MTUS2: variants seen among roughly 807,000 people sequenced by gnomAD.
The protein encoded by MTUS2 is microtubule-associated tumor suppressor candidate 2.
In MTUS2, 40 loss-of-function variants were observed where a neutral mutation model predicts 114.1. The ratio of observed to expected loss-of-function variants is 0.35; its 90% confidence interval spans 0.27 to 0.46. The LOEUF is 0.46. MTUS2 is among the 20% of genes least tolerant of loss of function. The probability of loss-of-function intolerance (pLI) is 1.00; values close to 1 mark genes in which losing one functional copy is unlikely to be tolerated. For synonymous variants in MTUS2, 688 were observed against 672.0 expected (o/e 1.02, Z -0.37); for missense variants, 1,679 against 1,705.4 (o/e 0.98, Z 0.27).
intron 2 of MTUS2, among the ~76,000 whole-genome samples, chr13:28,962,931 T>C (rs990894968): frequency 6.6e-6 from 1 of 152,206 alleles, no homozygotes; most frequent in Non-Finnish European, 1.5e-5. Context: ...GGGTCCTCTA[T>C]CCTGCACCAT....
chr13:29,184,079 C>T (rs779723283), intron 5 of MTUS2, among the ~76,000 whole-genome samples: 1 of 152,186 alleles, frequency 6.6e-6, no homozygotes, highest in Non-Finnish European at 1.5e-5. Context: ...AAGTAAGTTG[C>T]AGGCTTTACC....
intron 5 of MTUS2, among the ~76,000 whole-genome samples, chr13:29,216,250 G>T (rs1055300792): frequency 6.6e-6 from 1 of 152,214 alleles, no homozygotes; most frequent in Non-Finnish European, 1.5e-5. Flanking sequence ...AGTGTCCCAG[G>T]TCGATTCAGA....
chr13:28,965,240 G>C (rs1883524637), intron 2 of MTUS2, among the ~76,000 whole-genome samples: 2 of 152,190 alleles, frequency 1.3e-5, no homozygotes, highest in South Asian at 2.1e-4. Flanking sequence ...AGAAGTGGTA[G>C]CAGGTGCCCC....
chr13:29,044,626 A>T (rs996039742), intron 4 of MTUS2, among the ~76,000 whole-genome samples: 1 of 151,938 alleles, frequency 6.6e-6, no homozygotes, highest in Non-Finnish European at 1.5e-5. Context: ...CATTTCTTTG[A>T]GTATTTCTTC....
intron 2 of MTUS2, among the ~76,000 whole-genome samples, chr13:28,864,693 C>A (rs951293219): frequency 2.6e-5 from 4 of 152,174 alleles, no homozygotes; most frequent in Admixed American, 6.5e-5. Flanking sequence ...CACTCAGATT[C>A]TTCACACCTA....
chr13:29,264,365 C>G (rs921154033), intron 5 of MTUS2, among the ~76,000 whole-genome samples: 1 of 152,222 alleles, frequency 6.6e-6, no homozygotes, highest in African/African-American at 2.4e-5. Context: ...CTTTTCCTTG[C>G]TGAGAGGTGC....
At chr13:29,281,157 G>A (rs1043863213) in intron 5 of MTUS2, among the ~76,000 whole-genome samples, 17 of 152,070 alleles carry the variant, frequency 1.1e-4, no homozygotes, top group African/African-American at 4.1e-4. Context: ...TCGTCCCCAT[G>A]CTCTCTACCC....
intron 2 of MTUS2, among the ~76,000 whole-genome samples, chr13:28,855,334 A>G (rs1472993709): frequency 6.6e-6 from 1 of 152,106 alleles, no homozygotes; most frequent in Non-Finnish European, 1.5e-5. Context: ...AAACGTGTGC[A>G]ATGGTGGTTT....
intron 5 of MTUS2, among the ~76,000 whole-genome samples, chr13:29,131,648 A>G (rs1593510386): frequency 6.6e-6 from 1 of 152,246 alleles, no homozygotes; most frequent in Admixed American, 6.5e-5. Context: ...AGCTACAGGG[A>G]TTAATGCTGT....
At chr13:29,180,656 C>G (rs1423905190) in intron 5 of MTUS2, among the ~76,000 whole-genome samples, 1 of 152,092 alleles carries the variant, frequency 6.6e-6, no homozygotes, top group Non-Finnish European at 1.5e-5. Flanking sequence ...TTGTTTTGCT[C>G]CAGGTCACAG....
At chr13:29,396,762 G>A (rs1873944243) in intron 8 of MTUS2, among the ~76,000 whole-genome samples, 1 of 152,180 alleles carries the variant, frequency 6.6e-6, no homozygotes, top group Non-Finnish European at 1.5e-5. Context: ...TCCTTGTTCA[G>A]CCCACTGTGA....
intron 2 of MTUS2, among the ~76,000 whole-genome samples, chr13:29,017,703 G>GAAAA (rs11369162): frequency 6.9e-6 from 1 of 145,132 alleles, no homozygotes. Flanking sequence ...TTGAAAGATT[G>GAAAA]AAAAAAAAAA....
At chr13:29,473,513 A>G (rs973353477) in intron 9 of MTUS2, among the ~76,000 whole-genome samples, 2 of 152,258 alleles carry the variant, frequency 1.3e-5, no homozygotes, top group African/African-American at 4.8e-5. Flanking sequence ...TTCAAGGATC[A>G]CACTACATCT....
At chr13:28,929,778 A>G (rs1033373902) in intron 2 of MTUS2, among the ~76,000 whole-genome samples, 1 of 152,188 alleles carries the variant, frequency 6.6e-6, no homozygotes, top group African/African-American at 2.4e-5. Flanking sequence ...TGCTTGGTCT[A>G]CCTTGGTGGT....
chr13:28,851,164 T>G (rs1220402630), intron 2 of MTUS2, among the ~76,000 whole-genome samples: 1 of 152,228 alleles, frequency 6.6e-6, no homozygotes, highest in African/African-American at 2.4e-5. Context: ...AGTAAAGCCT[T>G]TACTTATGTT....
At chr13:29,478,335 G>A (rs1880862146) in intron 9 of MTUS2, among the ~76,000 whole-genome samples, 1 of 152,184 alleles carries the variant, frequency 6.6e-6, no homozygotes, top group African/African-American at 2.4e-5. Context: ...GTTGGGGAAA[G>A]CCCTTATTTG....
chr13:29,331,675 G>A (rs969331805), intron 7 of MTUS2, among the ~76,000 whole-genome samples: 1 of 152,214 alleles, frequency 6.6e-6, no homozygotes, highest in African/African-American at 2.4e-5. Context: ...TGCCCATTCA[G>A]TGTGGTATTG....
intron 5 of MTUS2, among the ~76,000 whole-genome samples, chr13:29,112,405 G>T (rs1341263088): frequency 6.6e-6 from 1 of 152,142 alleles, no homozygotes; most frequent in Non-Finnish European, 1.5e-5. Context: ...TTGATATTGA[G>T]GAGAATGGGT....
At chr13:29,256,977 A>G (rs1332709130) in intron 5 of MTUS2, among the ~76,000 whole-genome samples, 1 of 152,156 alleles carries the variant, frequency 6.6e-6, no homozygotes, top group Non-Finnish European at 1.5e-5. Flanking sequence ...CCTGACCTAC[A>G]TTGTTGCAAA....
Sources: gnomAD v4.1 joint callset for allele counts (sites outside exome capture counted in the v4.1 genomes callset) on GRCh38, gnomAD v4.1.1 for gene constraint, MANE v1.5 for transcripts, NCBI Gene and HGNC (gene_info 2026-07-23, HGNC 2026-07-21) for gene names.